Variants in PON2 observed in about 807,000 individuals in gnomAD.
PON2 encodes paraoxonase 2.
A neutral mutation model predicts 36.6 loss-of-function variants in PON2; 27 were observed. The ratio of observed to expected loss-of-function variants is 0.74; its 90% CI spans 0.54 to 1.02. The LOEUF (loss-of-function observed/expected upper bound fraction) is 1.02, where lower values mean the gene tolerates loss of function less well. PON2 is among the 50% of genes least tolerant of loss of function. The pLI, the probability that PON2 is intolerant of heterozygous loss-of-function variation, is 0.00. For missense variants in PON2, 363 were observed against 421.1 expected, an observed-to-expected ratio of 0.86 and a Z score of 1.21; for synonymous variants, 149 against 156.3, an observed-to-expected ratio of 0.95 and a Z score of 0.35.
intron 1 of PON2, among the ~76,000 whole-genome samples, chr7:95,429,272 G>T (rs1316328654): frequency 6.6e-6 from 1 of 150,420 alleles, no homozygotes; most frequent in African/African-American, 2.5e-5. Context: ...CTATAAGTGA[G>T]AACATGTGGT....
intron 2 of PON2, chr7:95,424,252 T>C: frequency 2.0e-6 from 1 of 494,218 alleles, no homozygotes; most frequent in Non-Finnish European, 3.7e-6. Context: ...ACAAAAATAG[T>C]TCAGAGAAGT....
chr7:95,416,303 A>C lies in PON2; in HGVS notation c.146-6T>G, dbSNP rs535630690. ...AATATCTTCAGAGCCAGCTTCTGTA[A>C]GTTTAAGGAACAGATAAATGTCATG... is the stretch of plus-strand genomic sequence containing the variant. On this transcript the variant is annotated splice_region_variant and splice_polypyrimidine_tract_variant and intron_variant, in intron 2 of 8. Coordinates refer to ENST00000222572, the MANE Select transcript of PON2 (RefSeq NM_000305.3). 2 of 1,613,438 alleles carry C rather than the reference A, an allele frequency of 1.2e-6. No homozygotes were observed. The highest frequency in any genetic ancestry group is 2.7e-5 in the African/African-American group (2 of 74,930).
chr7:95,428,650 A>G (rs1277567919), intron 1 of PON2, among the ~76,000 whole-genome samples: 3 of 152,220 alleles, frequency 2.0e-5, no homozygotes, highest in Non-Finnish European at 4.4e-5. Flanking sequence ...TTTAATTTAA[A>G]AAGCATATTA....
intron 1 of PON2, 40 bp from the exon 2 acceptor site, chr7:95,424,625 T>G: frequency 6.7e-7 from 1 of 1,495,350 alleles, no homozygotes. Context: ...AAAAACTATT[T>G]GTTTATGTAT....
At position 95,407,059 on chromosome 7, in the gene PON2, A is replaced by C. The variant is rs1562784084; in HGVS notation, c.705T>G (p.Tyr235Ter). The C allele has an allele frequency of 4.4e-6, 7 of 1,592,100 alleles. No homozygotes were observed. The highest frequency in any genetic ancestry group is 6.0e-6 in the Non-Finnish European group (7 of 1,160,554). ...INISPDDKYIYVADILAHEIH... is the reference protein window; with the variant it reads ...INISPDDKYI ...TTTCATGAGCCAATATGTCAGCAAC[A>C]TAGATATACCTTTGCAGAAAGGACA... Residue 235 changes from tyrosine to a stop codon, truncating the protein, a stop_gained, in exon 7 of 9, where the codon TAT becomes TAG. Transcript: ENST00000222572. LOFTEE classifies it high-confidence loss of function.
chr7:95,430,406 TTC>T (rs1287841256), intron 1 of PON2, among the ~76,000 whole-genome samples: 2 of 151,992 alleles, frequency 1.3e-5, no homozygotes. Flanking sequence ...GTTCAAGTGA[TTC>T]TCCTGCCTCA....
At chr7:95,434,771 G>A (rs1025130772) in intron 1 of PON2, 107 bp downstream of exon 1, 4 of 1,290,354 alleles carry the variant, frequency 3.1e-6, no homozygotes, top group Non-Finnish European at 4.2e-6. Context: ...CCGGCCGCAG[G>A]GCCAGGTCCC....
chr7:95,423,190 C>T (rs957691630), intron 2 of PON2, among the ~76,000 whole-genome samples: 2 of 151,736 alleles, frequency 1.3e-5, no homozygotes, highest in African/African-American at 2.4e-5. Context: ...TGAGTGGGGG[C>T]ATGTGCCTGT....
Position 95,412,476 on chromosome 7 carries a change from C to T in PON2, c.203G>A (p.Gly68Asp), listed in dbSNP as rs150847915. ...LPNGLAFFSV[G>D]LKFPGLHSFA... ...GCTGTGGAGTCCTGGGAATTTTAGA[C>T]CCTTTCCAAAACGGTGAAAAATGTT... The change falls in exon 4 of 9, where the codon GGT (glycine) becomes GAT (aspartate). Residue 68 changes from glycine to aspartate, a missense_variant and splice_region_variant. Gly to Asp is a moderately conservative substitution (Grantham distance 94, BLOSUM62 -1). Transcript: ENST00000222572. 1 of 1,613,824 alleles carries T rather than the reference C, an allele frequency of 6.2e-7. No homozygotes were observed. Among genetic ancestry groups the T allele is most frequent in the Non-Finnish European group, 8.5e-7 (1 of 1,179,800 alleles).
At chr7:95,421,766 C>A (rs1346025900) in intron 2 of PON2, among the ~76,000 whole-genome samples, 1 of 151,822 alleles carries the variant, frequency 6.6e-6, no homozygotes, top group African/African-American at 2.4e-5. Context: ...GAAACAGATG[C>A]CTAAGGAATG....
rs546665604 is a variant in PON2, at chr7:95,411,658, A to G, written c.489T>C (p.Leu163=). ...LHLKTVKHEL[L]PSVNDITAVG... is the part of the protein sequence containing the mutation. ...GGAACAAAATGAGGAAGTACCTTGG[A>G]AGAAGCTCATGTTTGACTGTTTTCA... The change falls in exon 5 of 9, where the codon CTT becomes CTC. Residue 163 remains leucine, a synonymous_variant. Coordinates refer to ENST00000222572, the MANE Select transcript of PON2 (RefSeq NM_000305.3). 1 of 1,614,008 alleles carries G rather than the reference A, an allele frequency of 6.2e-7. No homozygotes were observed. The highest frequency in any genetic ancestry group is 1.3e-5 in the African/African-American group (1 of 75,044).
At chr7:95,431,996 A>T (rs1057128309) in intron 1 of PON2, among the ~76,000 whole-genome samples, 1 of 151,524 alleles carries the variant, frequency 6.6e-6, no homozygotes, top group Non-Finnish European at 1.5e-5. Context: ...GCCACCCACC[A>T]CCTACCCCAA....
chr7:95,416,310 G>C lies in PON2; in HGVS notation c.146-13C>G. ...TCAGAGCCAGCTTCTGTAAGTTTAA[G>C]GAACAGATAAATGTCATGTTCAAGT... On this transcript the variant is annotated splice_polypyrimidine_tract_variant and intron_variant, in intron 2 of 8. Transcript: ENST00000222572. 1 of 1,613,206 alleles carries C rather than the reference G, an allele frequency of 6.2e-7. No individual in the cohort carries two copies. The highest frequency in any genetic ancestry group is 8.5e-7 in the Non-Finnish European group (1 of 1,179,224).
At chr7:95,416,432 C>A (rs767514460) in intron 2 of PON2, 135 bp from the exon 3 acceptor site, 36 of 1,007,346 alleles carry the variant, frequency 3.6e-5, no homozygotes, top group Non-Finnish European at 4.7e-5. Context: ...TCCAAGGAAC[C>A]ATTCTTTTTA....
Position 95,412,614 on chromosome 7 carries a change from GA to G in PON2, c.202-138del, listed in dbSNP as rs1788958826. 1.1e-5 allele frequency: 9 copies of G among 832,442 alleles called. No homozygotes were observed. The South Asian group carries it at 1.1e-4, about 10-fold the overall frequency. 51.6% of individuals were successfully genotyped at this position (832,442 alleles called of 1,614,324 possible). A position where few individuals can be genotyped will look rare whatever the true frequency, so the allele number is the denominator to read the frequency against. Reference sequence around the variant, plus strand: ...AAGCCACAAAAACTCAAAAAACAGAGAAAAGATAACAGAAAAAATAATAACG... The same window carrying G: ...AAGCCACAAAAACTCAAAAAACAGAGAAAGATAACAGAAAAAATAATAACG... On this transcript the variant is annotated intron_variant, in intron 3 of 8. Transcript: ENST00000222572.
At chr7:95,424,434 T>G in intron 2 of PON2, 81 bp downstream of exon 2, 5 of 1,149,864 alleles carry the variant, frequency 4.3e-6, no homozygotes, top group Middle Eastern at 2.2e-4. Context: ...AGTAATTTCA[T>G]GCTAAAATGC....
chr7:95,406,121 C>T lies in PON2; in HGVS notation c.904G>A (p.Glu302Lys). 1 of 1,613,568 alleles carries T rather than the reference C, an allele frequency of 6.2e-7. No homozygotes were observed. Among genetic ancestry groups the T allele is most frequent in the Non-Finnish European group, 8.5e-7 (1 of 1,179,628 alleles). ...TAAAAAACTGAAAATATAAAAACCTCTGACGAGGGAGGATTGTTCGGGTCA... is the reference window on the plus strand; with the variant it reads ...TAAAAAACTGAAAATATAAAAACCTTTGACGAGGGAGGATTGTTCGGGTCA... Reference protein sequence around the residue: ...VYDPNNPPSSEVLRIQNILSE... With the variant: ...VYDPNNPPSSKVLRIQNILSE... The change falls in exon 8 of 9, where the codon GAG (glutamate) becomes AAG (lysine). Residue 302 changes from glutamate (E) to lysine (K), a missense_variant and splice_region_variant. Physicochemically the swap from Glu to Lys is moderately conservative, Grantham distance 56 (BLOSUM62 1). Transcript: ENST00000222572.
chr7:95,409,136 A>C lies in PON2; in HGVS notation c.695+765T>G, dbSNP rs1291156679. On this transcript the variant is annotated intron_variant, in intron 6 of 8. Coordinates refer to ENST00000222572, the MANE Select transcript of PON2 (RefSeq NM_000305.3). ...AAGACTAGCCTGACCAACATGGAGA[A>C]ACCTCATCTCTACTAAAAATACAAA... is the stretch of plus-strand genomic sequence containing the variant. Among the ~76,000 whole-genome samples, 3 of 152,106 alleles carry C rather than the reference A, an allele frequency of 2.0e-5. No individual in the cohort carries two copies. The East Asian group carries it at 5.8e-4, about 29-fold the overall frequency.
At position 95,405,349 on chromosome 7, in the gene PON2, GC is replaced by G; in HGVS notation, c.1045del (p.Ala349ProfsTer18). On this transcript the variant is annotated frameshift_variant, in exon 9 of 9. Coordinates refer to ENST00000222572, the MANE Select transcript of PON2 (RefSeq NM_000305.3). LOFTEE classifies it high-confidence loss of function. The part of the protein sequence containing the change: ...KLLIGTLYHR[A>X]LYCEL Reference sequence around the variant, plus strand: ...TACAATTTAGAGTTCACAATACAAGGCTCTGTGGTATAAAGTGCCTATGAGC... The same window carrying G: ...TACAATTTAGAGTTCACAATACAAGGTCTGTGGTATAAAGTGCCTATGAGC... 6.2e-7 allele frequency: 1 copy of G among 1,613,812 alleles called. No homozygotes were observed. The highest frequency in any genetic ancestry group is 8.5e-7 in the Non-Finnish European group (1 of 1,179,808).
Sources: allele counts gnomAD v4.1 joint callset (sites outside exome capture counted in the v4.1 genomes callset), GRCh38; gene constraint gnomAD v4.1.1; transcripts MANE v1.5; gene names NCBI Gene and HGNC (gene_info 2026-07-23, HGNC 2026-07-21).